Variants in NEK7 observed in about 807,000 individuals in gnomAD.
NEK7 encodes the protein NIMA related kinase 7.
Under a neutral mutation model 44.6 loss-of-function variants are expected in NEK7, and 18 were observed. The observed-to-expected ratio is 0.40, with a 90% CI of 0.28 to 0.60. The LOEUF (loss-of-function observed/expected upper bound fraction) is 0.60. Among genes scored for constraint, NEK7 ranks in the 20% least tolerant of loss-of-function variants. The pLI is 0.38. For synonymous variants in NEK7, 130 were observed against 121.1 expected, an observed-to-expected ratio of 1.07 and a Z score of -0.48; for missense variants, 256 against 366.5, an observed-to-expected ratio of 0.70 and a Z score of 2.46.
At chr1:198,194,411 C>G (rs1292367562) in intron 1 of NEK7, among the ~76,000 whole-genome samples, 3 of 151,376 alleles carry the variant, frequency 2.0e-5, no homozygotes, top group African/African-American at 7.3e-5. Context: ...AGCCTAGTAC[C>G]CATTAGTTAT....
intron 4 of NEK7, 77 bp downstream of exon 4, chr1:198,262,714 C>CA: frequency 1.2e-6 from 1 of 849,940 alleles, no homozygotes. Context: ...CACTTAAACA[C>CA]AAAAAGGTTT....
chr1:198,228,189 A>G (rs1484284853), intron 1 of NEK7, among the ~76,000 whole-genome samples: 2 of 152,092 alleles, frequency 1.3e-5, no homozygotes, highest in South Asian at 4.1e-4. Context: ...GATATGCAGC[A>G]TTATTTCTGA....
At chr1:198,209,974 C>G (rs1665716061) in intron 1 of NEK7, among the ~76,000 whole-genome samples, 1 of 149,914 alleles carries the variant, frequency 6.7e-6, no homozygotes, top group African/African-American at 2.5e-5. Context: ...ATTTTTTGTA[C>G]TTTAGTAGAG....
intron 2 of NEK7, among the ~76,000 whole-genome samples, chr1:198,242,550 C>G (rs1666715072): frequency 6.7e-6 from 1 of 149,000 alleles, no homozygotes; most frequent in Admixed American, 6.7e-5. Context: ...CAAGCTCCAC[C>G]TCCCGGGTTC....
At chr1:198,199,659 C>T (rs548264461) in intron 1 of NEK7, among the ~76,000 whole-genome samples, 64 of 152,034 alleles carry the variant, frequency 4.2e-4, no homozygotes, top group African/African-American at 1.4e-3. Flanking sequence ...GTCTTGCTGA[C>T]GTGTATCTAT....
intron 2 of NEK7, among the ~76,000 whole-genome samples, chr1:198,241,654 A>G (rs1355883413): frequency 2.6e-5 from 4 of 152,220 alleles, no homozygotes; most frequent in African/African-American, 9.6e-5. Flanking sequence ...GGGTTAGAGC[A>G]TGAGCTCTGA....
At chr1:198,262,443 TAAAG>T (rs923385009) in intron 3 of NEK7, 128 bp from the exon 4 acceptor site, 2 of 559,482 alleles carry the variant, frequency 3.6e-6, no homozygotes, top group African/African-American at 3.9e-5. Context: ...AACTCCTTAA[TAAAG>T]AAAAGCTAAT....
At chr1:198,160,313 ATTT>A (rs761820121) in intron 1 of NEK7, among the ~76,000 whole-genome samples, 1 of 143,904 alleles carries the variant, frequency 6.9e-6, no homozygotes, top group African/African-American at 2.6e-5. Context: ...GTTTCCCTTG[ATTT>A]TTTTTTTTTT....
chr1:198,160,924 A>G (rs1664085502), intron 1 of NEK7, among the ~76,000 whole-genome samples: 1 of 152,256 alleles, frequency 6.6e-6, no homozygotes, highest in Admixed American at 6.5e-5. Flanking sequence ...AAACACTTAC[A>G]GAGTATATTT....
intron 2 of NEK7, among the ~76,000 whole-genome samples, chr1:198,242,714 G>A (rs1234349347): frequency 3.3e-5 from 5 of 151,374 alleles, no homozygotes; most frequent in Admixed American, 6.6e-5. Context: ...CACCCGCCTC[G>A]GCCCCACAAA....
chr1:198,190,317 G>A (rs918788123), intron 1 of NEK7, among the ~76,000 whole-genome samples: 5 of 151,956 alleles, frequency 3.3e-5, no homozygotes, highest in South Asian at 2.1e-4. Flanking sequence ...GCGTGCCTCC[G>A]TCTTCTTAAA....
At chr1:198,283,152 G>A (rs1450535348) in intron 7 of NEK7, among the ~76,000 whole-genome samples, 2 of 152,126 alleles carry the variant, frequency 1.3e-5, no homozygotes, top group Non-Finnish European at 2.9e-5. Context: ...AAAAGACAGG[G>A]CTGGATGTAG....
At chr1:198,292,778 A>G (rs1200189893) in intron 7 of NEK7, among the ~76,000 whole-genome samples, 167 bp from the exon 8 acceptor site, 1 of 151,962 alleles carries the variant, frequency 6.6e-6, no homozygotes, top group Non-Finnish European at 1.5e-5. Flanking sequence ...AGGGTCAAGG[A>G]ATAAAGAAGA....
Position 198,245,172 on chromosome 1 carries a change from G to T in NEK7, c.58-7868G>T, listed in dbSNP as rs954116818. The stretch of plus-strand genomic sequence containing the variant: ...GTAGATCTTCATCTTTATCCTCATT[G>T]TCTTTGCATTGGGTAGGCAGAGGAG... On this transcript the variant is annotated intron_variant, in intron 2 of 9. Transcript: ENST00000367385. The T allele has an allele frequency of 3.0e-5, 5 of 168,430 alleles. No individual in the cohort carries two copies. In the Admixed American group the frequency reaches 3.3e-4, roughly 11 times the overall value. The allele number at this position is 168,430 out of a possible 1,614,324, so 10.4% of individuals were successfully genotyped here.
At chr1:198,228,052 G>A (rs1049507642) in intron 1 of NEK7, among the ~76,000 whole-genome samples, 1 of 152,182 alleles carries the variant, frequency 6.6e-6, no homozygotes, top group South Asian at 2.1e-4. Context: ...TGTATAAGGT[G>A]TAAGGAAGGG....
chr1:198,256,112 GT>G (rs1481351212), intron 3 of NEK7, among the ~76,000 whole-genome samples: 1 of 152,060 alleles, frequency 6.6e-6, no homozygotes, highest in Non-Finnish European at 1.5e-5. Flanking sequence ...CTGTATTACT[GT>G]TCCCAGGTCC....
At chr1:198,163,253 G>A (rs984841985) in intron 1 of NEK7, among the ~76,000 whole-genome samples, 2 of 152,134 alleles carry the variant, frequency 1.3e-5, no homozygotes, top group African/African-American at 4.8e-5. Flanking sequence ...AGCACTTTGG[G>A]AGGCCAAGGT....
intron 9 of NEK7, 92 bp from the exon 10 acceptor site, chr1:198,319,320 A>G (rs1417255740): frequency 4.7e-5 from 34 of 725,172 alleles, no homozygotes; most frequent in Non-Finnish European, 7.8e-5. Context: ...CTTTCCTTGT[A>G]AAATCTATAG....
chr1:198,284,319 T>A (rs1401398583), intron 7 of NEK7, among the ~76,000 whole-genome samples: 1 of 152,194 alleles, frequency 6.6e-6, no homozygotes, highest in Non-Finnish European at 1.5e-5. Flanking sequence ...TGTTTTCTGA[T>A]TTGTTGTTAT....
Sources: gnomAD v4.1 joint callset for allele counts (sites outside exome capture counted in the v4.1 genomes callset) on GRCh38, gnomAD v4.1.1 for gene constraint, MANE v1.5 for transcripts, NCBI Gene and HGNC (gene_info 2026-07-23, HGNC 2026-07-21) for gene names.